The following NKD1 variants were observed in gnomAD, a reference collection of about 807,000 sequenced individuals.
NKD1 encodes NKD inhibitor of Wnt signaling pathway 1, also known as protein naked cuticle homolog 1.
Under a neutral mutation model 56.0 loss-of-function variants are expected in NKD1, and 21 were observed. The ratio of observed to expected loss-of-function variants is 0.38; its 90% CI spans 0.27 to 0.54. The LOEUF is 0.54. Among genes scored for constraint, NKD1 ranks in the 20% least tolerant of loss-of-function variants. The pLI is 0.82. For missense variants in NKD1, 578 were observed against 642.7 expected, an observed-to-expected ratio of 0.90 and a Z score of 1.09; for synonymous variants, 263 against 265.7, an observed-to-expected ratio of 0.99 and a Z score of 0.10.
intron 4 of NKD1, among the ~76,000 whole-genome samples, chr16:50,610,946 G>A (rs1276046929): frequency 6.6e-6 from 1 of 152,168 alleles, no homozygotes; most frequent in Non-Finnish European, 1.5e-5. Context: ...CTTTCGTGGG[G>A]AGAAGGGGAG....
intron 6 of NKD1, among the ~76,000 whole-genome samples, chr16:50,626,331 C>T (rs1739568086): frequency 6.6e-6 from 1 of 152,220 alleles, no homozygotes; most frequent in African/African-American, 2.4e-5. Flanking sequence ...TGACAAGAGG[C>T]AGATCCAAAC....
intron 3 of NKD1, chr16:50,570,757 G>GA: frequency 1.1e-6 from 1 of 952,052 alleles, no homozygotes; most frequent in Non-Finnish European, 1.3e-6. Flanking sequence ...AACGGGGTAG[G>GA]ACTTCCACTC....
intron 3 of NKD1, among the ~76,000 whole-genome samples, chr16:50,590,445 CCTT>C (rs1328393174): frequency 1.3e-5 from 2 of 152,210 alleles, no homozygotes; most frequent in African/African-American, 4.8e-5. Flanking sequence ...AGATGGTCAT[CCTT>C]CTTTTACATT....
intron 3 of NKD1, among the ~76,000 whole-genome samples, chr16:50,595,489 G>T (rs979748521): frequency 6.6e-6 from 1 of 152,140 alleles, no homozygotes; most frequent in Non-Finnish European, 1.5e-5. Context: ...GTGGGGCTCA[G>T]ACAGCAGAGG....
At chr16:50,615,949 C>A in intron 4 of NKD1, 1 of 427,224 alleles carries the variant, frequency 2.3e-6, no homozygotes, top group Non-Finnish European at 4.8e-6. Context: ...GCCTGGAATG[C>A]ACATATGATA....
At chr16:50,575,168 T>A in intron 3 of NKD1, 1 of 985,260 alleles carries the variant, frequency 1.0e-6, no homozygotes, top group Non-Finnish European at 1.2e-6. Flanking sequence ...CTCCCCCTAG[T>A]AACCCAGATT....
intron 3 of NKD1, among the ~76,000 whole-genome samples, chr16:50,593,555 T>C (rs1961413558): frequency 6.6e-6 from 1 of 152,012 alleles, no homozygotes; most frequent in South Asian, 2.1e-4. Context: ...ATAGCTTGGG[T>C]TGTGTGCCCG....
intron 4 of NKD1, among the ~76,000 whole-genome samples, chr16:50,617,495 G>A (rs2151277853): frequency 6.6e-6 from 1 of 152,326 alleles, no homozygotes; most frequent in South Asian, 2.1e-4. Context: ...ATCAAAGGGA[G>A]CCGGGTGAAG....
At chr16:50,554,805 G>C (rs1474342801) in intron 3 of NKD1, among the ~76,000 whole-genome samples, 1 of 152,036 alleles carries the variant, frequency 6.6e-6, no homozygotes, top group Non-Finnish European at 1.5e-5. Flanking sequence ...ATTTTTTATA[G>C]AGATCGGGTC....
At chr16:50,579,616 C>T (rs1961070570) in intron 3 of NKD1, among the ~76,000 whole-genome samples, 1 of 135,544 alleles carries the variant, frequency 7.4e-6, no homozygotes, top group Non-Finnish European at 1.5e-5. Context: ...CGCACTCTAA[C>T]CCGCCACGCA....
Position 50,583,351 on chromosome 16 carries a change from A to G in NKD1, c.193-24943A>G, listed in dbSNP as rs1961160078. On this transcript the variant is annotated intron_variant, in intron 3 of 9. Transcript: ENST00000268459. ...GGAGAGTGAGGCTCTGAGACCGAAC[A>G]GGACAAGAGAGAGGCCCAGTTCTCC... 2.0e-5 allele frequency among the ~76,000 whole-genome samples: 3 copies of G among 152,338 alleles called. No homozygotes were observed. The South Asian group carries it at 6.2e-4, about 32-fold the overall frequency.
chr16:50,548,905 C>T, intron 2 of NKD1, 156 bp downstream of exon 2: 1 of 845,520 alleles, frequency 1.2e-6, no homozygotes, highest in Non-Finnish European at 1.4e-6. Flanking sequence ...GCAGCCTTCG[C>T]GCCCCCTCCT....
intron 4 of NKD1, among the ~76,000 whole-genome samples, chr16:50,612,760 C>T (rs912899818): frequency 2.0e-5 from 3 of 152,146 alleles, no homozygotes; most frequent in South Asian, 4.2e-4. Context: ...AAAAGGAGGC[C>T]GATGTGGCAT....
At chr16:50,594,840 C>T (rs1022574684) in intron 3 of NKD1, among the ~76,000 whole-genome samples, 24 of 152,108 alleles carry the variant, frequency 1.6e-4, no homozygotes, top group Non-Finnish European at 1.2e-4. Flanking sequence ...CACGTGCACA[C>T]GGTGCCCTGG....
chr16:50,575,963 C>T (rs1269200587), intron 3 of NKD1, among the ~76,000 whole-genome samples: 1 of 152,136 alleles, frequency 6.6e-6, no homozygotes, highest in Non-Finnish European at 1.5e-5. Context: ...GGATGTGCCC[C>T]TGCAACAAAG....
At position 50,633,403 on chromosome 16, in the gene NKD1, T is replaced by C. The variant is rs1445305640; in HGVS notation, c.1035T>C (p.Phe345=). The change falls in exon 10 of 10, where the codon TTT becomes TTC. Residue 345 remains phenylalanine, a synonymous_variant. Transcript: ENST00000268459. The surrounding 1 kb of genome is among the most constrained non-coding windows in gnomAD (Gnocchi z 4.9). ...GCACCCAGGACGGGAGCAAGCACTT[T>C]GTGAGGTCCCCCAAGGCCCAGGGCA... ...LRGTQDGSKH[F]VRSPKAQGKS... The C allele has an allele frequency of 9.3e-6, 15 of 1,613,730 alleles. No individual in the cohort carries two copies. The highest frequency in any genetic ancestry group is 3.3e-5 in the Admixed American group (2 of 59,974).
chr16:50,621,520 A>G (rs1229616164), intron 4 of NKD1, 82 bp from the exon 5 acceptor site: 2 of 951,024 alleles, frequency 2.1e-6, no homozygotes, highest in South Asian at 3.0e-5. Flanking sequence ...CAGGCCAGGC[A>G]TGGAGGACAA....
At chr16:50,594,835 G>T (rs1435134810) in intron 3 of NKD1, among the ~76,000 whole-genome samples, 1 of 152,124 alleles carries the variant, frequency 6.6e-6, no homozygotes, top group Admixed American at 6.5e-5. Context: ...ATCTGCACGT[G>T]CACACGGTGC....
In NKD1 at chr16:50,630,880, G is replaced by A. The variant is rs1464936996; in HGVS notation, c.665G>A (p.Ser222Asn). The A allele has an allele frequency of 1.2e-6, 2 of 1,605,410 alleles. No homozygotes were observed. The highest frequency in any genetic ancestry group is 2.7e-5 in the African/African-American group (2 of 74,840). Residue 222 changes from serine to asparagine, a missense_variant, in exon 8 of 10, where the codon AGC becomes AAC. Physicochemically the swap from Ser to Asn is conservative, Grantham distance 46. Transcript: ENST00000268459. ...AETKPTEDLR[S>N]WEKKQRAPLR... ...ACCAAGCCCACTGAGGACCTGCGGA[G>A]CTGGGAGAAGAAGCAGCGAGCCCCG...
Sources: gnomAD v4.1 joint callset for allele counts (sites outside exome capture counted in the v4.1 genomes callset) on GRCh38, gnomAD v4.1.1 for gene constraint, Gnocchi (gnomAD v3.1) non-coding constraint, MANE v1.5 for transcripts, NCBI Gene and HGNC (gene_info 2026-07-23, HGNC 2026-07-21) for gene names.